Variants in ACACA observed in about 807,000 individuals in gnomAD.
The protein encoded by ACACA is acetyl-CoA carboxylase 1.
ACACA carries 103 observed loss-of-function variants against 296.1 expected under a neutral mutation model. The observed-to-expected ratio is 0.35, with a 90% CI of 0.30 to 0.41. The LOEUF (loss-of-function observed/expected upper bound fraction) is 0.41, where lower values mean the gene tolerates loss of function less well. Ranked by LOEUF, ACACA falls within the 10% of genes least tolerant of loss-of-function variation. The pLI is 1.00. For synonymous variants in ACACA, 953 were observed against 1,038.6 expected (o/e 0.92, Z 1.58); for missense variants, 1,554 against 2,989.7 (o/e 0.52, Z 11.20).
At chr17:37,372,873 T>A (rs2147685837) in intron 1 of ACACA, among the ~76,000 whole-genome samples, 1 of 151,674 alleles carries the variant, frequency 6.6e-6, no homozygotes, top group East Asian at 1.9e-4. Context: ...TGTCTACACT[T>A]GGATTTTTTT....
chr17:37,102,597 G>A (rs764925835), intron 52 of ACACA, among the ~76,000 whole-genome samples: 13 of 152,208 alleles, frequency 8.5e-5, no homozygotes, highest in Non-Finnish European at 1.6e-4. Flanking sequence ...TTGAAGGCTG[G>A]CAAGCAGATA....
Position 37,240,480 on chromosome 17 carries a change from C to T in ACACA, c.3117G>A (p.Gln1039=). 6.2e-7 allele frequency: 1 copy of T among 1,613,594 alleles called. No homozygotes were observed. Among genetic ancestry groups the T allele is most frequent in the Non-Finnish European group, 8.5e-7 (1 of 1,179,916 alleles). ...AGTCCTCAGGAAGAGGCTTACCATTCTGGAATTGTGTCTCTACTCGCAGGT... is the reference window on the plus strand; with the variant it reads ...AGTCCTCAGGAAGAGGCTTACCATTTTGGAATTGTGTCTCTACTCGCAGGT... The part of the protein sequence containing the change: ...RQYLRVETQF[Q]NGHYDKCVFA... The change falls in exon 24 of 56, where the codon CAG becomes CAA. Residue 1039 remains glutamine, a synonymous_variant. Transcript: ENST00000616317.
intron 10 of ACACA, among the ~76,000 whole-genome samples, chr17:37,267,474 A>G (rs2081839839): frequency 6.6e-6 from 1 of 152,180 alleles, no homozygotes; most frequent in Non-Finnish European, 1.5e-5. Flanking sequence ...ACCATTGCAA[A>G]TAATTTCTCA....
chr17:37,220,223 C>T (rs1054182829), intron 29 of ACACA, among the ~76,000 whole-genome samples: 1 of 152,100 alleles, frequency 6.6e-6, no homozygotes, highest in African/African-American at 2.4e-5. Context: ...TCTCATTTTT[C>T]AGCCAACATT....
At chr17:37,249,699 A>T (rs938138536) in intron 16 of ACACA, among the ~76,000 whole-genome samples, 1 of 152,242 alleles carries the variant, frequency 6.6e-6, no homozygotes, top group African/African-American at 2.4e-5. Flanking sequence ...CTGTTGAGTT[A>T]AAAAAGCAAG....
Position 37,246,910 on chromosome 17 carries a change from G to C in ACACA, c.2376C>G (p.Arg792=), listed in dbSNP as rs1730662234. ...FEKENDPSVM[R]SPSAGKLIQY... is the part of the protein sequence containing the mutation. ...GGATTAACTTCCCAGCAGAAGGTGA[G>C]CGCATCACCGATGGGTCATTTTCCT... Residue 792 remains arginine (R), a synonymous_variant, in exon 19 of 56, where the codon CGC becomes CGG. Transcript: ENST00000616317. 1.9e-6 allele frequency: 3 copies of C among 1,613,914 alleles called. No homozygotes were observed. Among genetic ancestry groups the C allele is most frequent in the African/African-American group, 2.7e-5 (2 of 74,896 alleles).
chr17:37,279,814 G>A (rs910443068), intron 5 of ACACA, among the ~76,000 whole-genome samples: 4 of 151,880 alleles, frequency 2.6e-5, no homozygotes, highest in Non-Finnish European at 5.9e-5. Context: ...CTCACCTATT[G>A]TCCCACCTCA....
At chr17:37,093,142 G>C (rs890642568) in intron 54 of ACACA, among the ~76,000 whole-genome samples, 3 of 152,184 alleles carry the variant, frequency 2.0e-5, no homozygotes, top group Non-Finnish European at 4.4e-5. Context: ...AGTAGCCTGA[G>C]GCCAGGTTTT....
At chr17:37,355,876 A>C (rs1469458713) in intron 1 of ACACA, among the ~76,000 whole-genome samples, 1 of 149,770 alleles carries the variant, frequency 6.7e-6, no homozygotes, top group African/African-American at 2.5e-5. Context: ...TAAATAAATA[A>C]ATAAAATGGA....
chr17:37,372,277 G>T (rs2049835336), intron 1 of ACACA, among the ~76,000 whole-genome samples: 1 of 151,954 alleles, frequency 6.6e-6, no homozygotes, highest in Non-Finnish European at 1.5e-5. Context: ...GCCAAGCGTG[G>T]TGGCGGGCAC....
At chr17:37,365,299 A>G (rs757898605) in intron 1 of ACACA, 8 of 295,920 alleles carry the variant, frequency 2.7e-5, no homozygotes, top group Non-Finnish European at 4.0e-5. Flanking sequence ...TTTTGTCTGC[A>G]TACTGGTTTT....
intron 1 of ACACA, among the ~76,000 whole-genome samples, chr17:37,342,444 T>TATATATAC (rs1555652558): frequency 8.8e-6 from 1 of 113,438 alleles, no homozygotes. Context: ...AAAATATATA[T>TATATATAC]ATATATATAT....
chr17:37,315,122 C>G (rs761392579), intron 3 of ACACA, among the ~76,000 whole-genome samples: 8 of 151,932 alleles, frequency 5.3e-5, no homozygotes, highest in Non-Finnish European at 8.8e-5. Context: ...CCACGCCCAA[C>G]TAATTTTGTA....
intron 45 of ACACA, chr17:37,141,406 C>T: frequency 3.0e-6 from 1 of 328,350 alleles, no homozygotes; most frequent in South Asian, 2.9e-5. Context: ...TTCCCCATCT[C>T]AGGCACCCCC....
At chr17:37,313,704 C>G (rs2046951728) in intron 3 of ACACA, among the ~76,000 whole-genome samples, 1 of 152,132 alleles carries the variant, frequency 6.6e-6, no homozygotes, top group Non-Finnish European at 1.5e-5. Context: ...GAAAAGGGAA[C>G]CCTTGTATTG....
chr17:37,094,585 C>CA (rs891624133), intron 54 of ACACA, among the ~76,000 whole-genome samples: 3 of 122,568 alleles, frequency 2.4e-5, no homozygotes, highest in Non-Finnish European at 5.2e-5. Context: ...CCCCCCCCCC[C>CA]ACACCAAACA....
intron 3 of ACACA, among the ~76,000 whole-genome samples, chr17:37,316,433 CATA>C (rs980105360): frequency 6.6e-6 from 1 of 151,900 alleles, no homozygotes; most frequent in Non-Finnish European, 1.5e-5. Flanking sequence ...TTGAGCCCAC[CATA>C]ATAATAATTA....
At chr17:37,341,320 A>C (rs1426582998) in intron 1 of ACACA, among the ~76,000 whole-genome samples, 1 of 152,238 alleles carries the variant, frequency 6.6e-6, no homozygotes, top group Non-Finnish European at 1.5e-5. Context: ...GACAGTATCC[A>C]TAGTTTTGTA....
chr17:37,310,667 C>T (rs749225425), intron 3 of ACACA, among the ~76,000 whole-genome samples: 2 of 151,556 alleles, frequency 1.3e-5, no homozygotes, highest in South Asian at 2.1e-4. Flanking sequence ...TGATGGTGGG[C>T]GCCTGTAATC....
Sources: gnomAD v4.1 joint callset for allele counts (sites outside exome capture counted in the v4.1 genomes callset) on GRCh38, gnomAD v4.1.1 for gene constraint, MANE v1.5 for transcripts, NCBI Gene and HGNC (gene_info 2026-07-23, HGNC 2026-07-21) for gene names.